Variants in KIF6 observed in about 807,000 individuals in gnomAD.
KIF6 encodes the protein kinesin-like protein KIF6.
Under a neutral mutation model 112.7 loss-of-function variants are expected in KIF6, and 106 were observed. The ratio of observed to expected loss-of-function variants is 0.94; its 90% CI spans 0.80 to 1.11. The LOEUF is 1.11. Ranked by LOEUF, KIF6 falls within the 50% of genes least tolerant of loss-of-function variation. The probability of loss-of-function intolerance (pLI) is 0.00; values close to 1 mark genes in which losing one functional copy is unlikely to be tolerated. For synonymous variants in KIF6, 339 were observed against 339.9 expected, an observed-to-expected ratio of 1.00 and a Z score of 0.03; for missense variants, 929 against 964.0, an observed-to-expected ratio of 0.96 and a Z score of 0.48.
intron 5 of KIF6, among the ~76,000 whole-genome samples, chr6:39,621,234 T>TACACACACACACACAC (rs1477311569): frequency 8.5e-5 from 6 of 70,428 alleles, no homozygotes; most frequent in African/African-American, 3.8e-4. Context: ...CACACACACG[T>TACACACACACACACAC]ACACATATAT....
intron 3 of KIF6, among the ~76,000 whole-genome samples, chr6:39,667,329 G>C (rs898437589): frequency 6.6e-6 from 1 of 152,126 alleles, no homozygotes; most frequent in African/African-American, 2.4e-5. Flanking sequence ...AAGGGCCAAT[G>C]AGCCTGGAGT....
In KIF6 at chr6:39,357,281, T is replaced by C. The variant is rs776804143; in HGVS notation, c.2176A>G (p.Lys726Glu). The change falls in exon 19 of 23, where the codon AAA becomes GAA. Residue 726 changes from lysine (K) to glutamate (E), a missense_variant. Lys to Glu is a moderately conservative substitution (Grantham distance 56, BLOSUM62 1). Transcript: ENST00000287152. The part of the protein sequence containing the change: ...QHEWSQLLSN[K>E]SSGGWEVQDQ... ...TCCGGTGAGTTCTCACCTTACCTTT[T>C]GTTAGAGAGGAGTTGGGACCATTCA... is the stretch of plus-strand genomic sequence containing the variant. The C allele has an allele frequency of 6.2e-7, 1 of 1,609,750 alleles. No individual in the cohort carries two copies. Among genetic ancestry groups the C allele is most frequent in the Admixed American group, 1.7e-5 (1 of 59,862 alleles).
chr6:39,547,642 C>A (rs62403281), intron 10 of KIF6, among the ~76,000 whole-genome samples: 10,969 of 152,092 alleles, frequency 0.072, 465 homozygotes, highest in Middle Eastern at 0.16. Flanking sequence ...CTTAATGAAG[C>A]AGATACCTAT....
At chr6:39,660,040 G>A (rs1786042043) in intron 3 of KIF6, among the ~76,000 whole-genome samples, 1 of 152,166 alleles carries the variant, frequency 6.6e-6, no homozygotes. Context: ...GCCTGGCATG[G>A]TGTCTCATGC....
chr6:39,540,034 C>T lies in KIF6; in HGVS notation c.1614G>A (p.Gly538=). Residue 538 remains glycine, a synonymous_variant, in exon 13 of 23, where the codon GGG becomes GGA. Transcript: ENST00000287152. ...TCTTGTGGAGCAAACTGGATCTTTT[C>T]CCCAAAATGCTGAAGTCCTGGGCCT... ...PSQAQDFSIL[G]KRSSLLHKKI... The T allele has an allele frequency of 6.2e-7, 1 of 1,606,400 alleles. No individual in the cohort carries two copies. Among genetic ancestry groups the T allele is most frequent in the South Asian group, 1.1e-5 (1 of 88,862 alleles).
intron 15 of KIF6, among the ~76,000 whole-genome samples, chr6:39,393,796 A>C (rs1581754169): frequency 6.6e-6 from 1 of 152,210 alleles, no homozygotes; most frequent in East Asian, 1.9e-4. Flanking sequence ...CTCTAGAAGA[A>C]TAAAAATATG....
intron 13 of KIF6, among the ~76,000 whole-genome samples, chr6:39,525,849 A>T (rs1777692456): frequency 6.6e-6 from 1 of 150,582 alleles, no homozygotes. Flanking sequence ...AAATAAATAA[A>T]GCCTTTTTCC....
chr6:39,458,001 A>G (rs1320139543), intron 13 of KIF6, among the ~76,000 whole-genome samples: 1 of 151,570 alleles, frequency 6.6e-6, no homozygotes, highest in East Asian at 1.9e-4. Context: ...AAAAGAGGAA[A>G]TCCTCCCTAA....
At chr6:39,510,550 T>C (rs1390655502) in intron 13 of KIF6, among the ~76,000 whole-genome samples, 1 of 152,068 alleles carries the variant, frequency 6.6e-6, no homozygotes, top group Non-Finnish European at 1.5e-5. Flanking sequence ...AAGGAATCAC[T>C]AAACATGGAA....
intron 7 of KIF6, among the ~76,000 whole-genome samples, chr6:39,590,454 T>A (rs1234701153): frequency 2.4e-4 from 34 of 140,364 alleles, no homozygotes; most frequent in Admixed American, 7.0e-4. Context: ...TATATATATT[T>A]TTTTTTTTTT....
intron 13 of KIF6, among the ~76,000 whole-genome samples, chr6:39,506,861 T>C (rs1378272445): frequency 2.0e-5 from 3 of 151,990 alleles, no homozygotes; most frequent in Non-Finnish European, 4.4e-5. Context: ...GGCTTAGAGA[T>C]TGAGTTAAGA....
At chr6:39,405,143 CA>C (rs750402482) in intron 15 of KIF6, among the ~76,000 whole-genome samples, 1 of 152,052 alleles carries the variant, frequency 6.6e-6, no homozygotes, top group Non-Finnish European at 1.5e-5. Flanking sequence ...TCTAAGTAGA[CA>C]AATACATCAT....
At chr6:39,340,342 G>A (rs772576870) in intron 22 of KIF6, among the ~76,000 whole-genome samples, 3 of 127,840 alleles carry the variant, frequency 2.3e-5, no homozygotes, top group African/African-American at 3.7e-5. Flanking sequence ...TAGAGGCTGC[G>A]GTCACTCCCC....
intron 13 of KIF6, among the ~76,000 whole-genome samples, chr6:39,475,575 T>C (rs1774378681): frequency 6.6e-6 from 1 of 152,234 alleles, no homozygotes; most frequent in Non-Finnish European, 1.5e-5. Context: ...TTTCAATTTC[T>C]ACCTTCTCAT....
intron 3 of KIF6, among the ~76,000 whole-genome samples, chr6:39,710,968 A>C (rs1455060874): frequency 1.3e-5 from 2 of 152,058 alleles, no homozygotes; most frequent in Admixed American, 6.6e-5. Context: ...TCAAGGCTGC[A>C]GTGAGCTGTG....
At chr6:39,641,092 C>A (rs2150770782) in intron 3 of KIF6, among the ~76,000 whole-genome samples, 1 of 152,220 alleles carries the variant, frequency 6.6e-6, no homozygotes, top group African/African-American at 2.4e-5. Context: ...ATTACAGAAT[C>A]TTTTTCCTCA....
At chr6:39,541,620 G>A (rs1032701564) in intron 12 of KIF6, among the ~76,000 whole-genome samples, 5 of 152,210 alleles carry the variant, frequency 3.3e-5, no homozygotes, top group Non-Finnish European at 7.3e-5. Context: ...TTGCTCTCAC[G>A]AAGCAGACGT....
chr6:39,591,338 A>T (rs1338265753), intron 7 of KIF6, among the ~76,000 whole-genome samples: 2 of 152,246 alleles, frequency 1.3e-5, no homozygotes, highest in African/African-American at 4.8e-5. Context: ...AAAAATGGAG[A>T]AAATGAAGGC....
intron 13 of KIF6, among the ~76,000 whole-genome samples, chr6:39,505,888 C>T (rs1171421480): frequency 6.6e-6 from 1 of 152,198 alleles, no homozygotes; most frequent in Non-Finnish European, 1.5e-5. Context: ...AAGAGGAATG[C>T]TTTTACACGG....
Sources: allele counts gnomAD v4.1 joint callset (sites outside exome capture counted in the v4.1 genomes callset), GRCh38; gene constraint gnomAD v4.1.1; transcripts MANE v1.5; gene names NCBI Gene and HGNC (gene_info 2026-07-23, HGNC 2026-07-21).